The following MAP3K10 variants were observed in gnomAD, a reference collection of about 807,000 sequenced individuals.
MAP3K10 encodes mitogen-activated protein kinase kinase kinase 10.
In MAP3K10, 22 loss-of-function variants were observed where a neutral mutation model predicts 75.0. That is an observed-to-expected ratio of 0.29 (90% CI 0.21 to 0.42). MAP3K10 has a LOEUF of 0.42. MAP3K10 is among the 10% of genes least tolerant of loss of function. MAP3K10 has a pLI of 1.00. For synonymous variants in MAP3K10, 599 were observed against 612.9 expected, an observed-to-expected ratio of 0.98 and a Z score of 0.34; for missense variants, 1,165 against 1,379.8, an observed-to-expected ratio of 0.84 and a Z score of 2.47.
intron 6 of MAP3K10, among the ~76,000 whole-genome samples, chr19:40,211,849 A>T (rs181213860): frequency 6.6e-6 from 1 of 152,100 alleles, no homozygotes; most frequent in African/African-American, 2.4e-5. Flanking sequence ...TCAGCCTCCC[A>T]AGTAGCTGGG....
rs1178213258 is a variant in MAP3K10 at position 40,198,323 on chromosome 19, G to A, written c.683-52G>A. On this transcript the variant is annotated intron_variant, in intron 1 of 9. Transcript: ENST00000253055. The surrounding 1 kb of genome is among the most constrained non-coding windows in gnomAD (Gnocchi z 4.3). ...CTGAGGCAGCGGGCCAGAACACTTG[G>A]GTCTGCGGCGTGGCAGGTCTGGGGT... The A allele has an allele frequency of 1.3e-6, 2 of 1,546,852 alleles. No homozygotes were observed. Among genetic ancestry groups the A allele is most frequent in the African/African-American group, 2.7e-5 (2 of 73,738 alleles).
At position 40,215,180 on chromosome 19, in the gene MAP3K10, C is replaced by T; in HGVS notation, c.2753C>T (p.Thr918Ile). The stretch of plus-strand genomic sequence containing the variant: ...ATCTCGCCTCCCAGCAGGCCAGACA[C>T]TCCGGAGAGCCCTGGGCCCCCCAGC... ...LTISPPSRPD[T>I]PESPGPPSVQ... Residue 918 changes from threonine (T) to isoleucine (I), a missense_variant, in exon 10 of 10, where the codon ACT (threonine) becomes ATT (isoleucine). By Grantham distance (89) the Thr-to-Ile change is moderately conservative. Coordinates refer to ENST00000253055, the MANE Select transcript of MAP3K10 (RefSeq NM_002446.4). 6.3e-7 allele frequency: 1 copy of T among 1,597,890 alleles called. No homozygotes were observed. Among genetic ancestry groups the T allele is most frequent in the Non-Finnish European group, 8.5e-7 (1 of 1,173,052 alleles).
At chr19:40,201,790 C>A (rs971077123) in intron 2 of MAP3K10, among the ~76,000 whole-genome samples, 3 of 148,222 alleles carry the variant, frequency 2.0e-5, no homozygotes, top group African/African-American at 7.5e-5. Context: ...GCTCCACACG[C>A]CAGCTTTTTT....
chr19:40,206,338 G>A (rs1416293178), intron 5 of MAP3K10, 181 bp downstream of exon 5: 3 of 602,190 alleles, frequency 5.0e-6, no homozygotes, highest in Non-Finnish European at 5.2e-6. Context: ...GGAGGCCAAG[G>A]TGGGAGGATC....
intron 5 of MAP3K10, 68 bp downstream of exon 5, chr19:40,206,225 C>T: frequency 6.6e-7 from 1 of 1,506,380 alleles, no homozygotes; most frequent in Non-Finnish European, 8.9e-7. Context: ...TAGGATTTAT[C>T]TCTTCCTTTT....
chr19:40,206,720 C>G (rs1973129745), intron 5 of MAP3K10, among the ~76,000 whole-genome samples: 1 of 152,230 alleles, frequency 6.6e-6, no homozygotes, highest in South Asian at 2.1e-4. Context: ...CTCACACCAT[C>G]CCCTGAGAGG....
In MAP3K10 at chr19:40,215,510, T is replaced by C; in HGVS notation, c.*218T>C. ...CTGGGGGGAGGGTGGGCAGGGATACTCAGGGACAGGGCATCATGGGGGATT... is the reference window on the plus strand; with the variant it reads ...CTGGGGGGAGGGTGGGCAGGGATACCCAGGGACAGGGCATCATGGGGGATT... On this transcript the variant is annotated 3_prime_UTR_variant, in exon 10 of 10. Coordinates refer to ENST00000253055, the MANE Select transcript of MAP3K10 (RefSeq NM_002446.4). 1 of 552,462 alleles carries C rather than the reference T, an allele frequency of 1.8e-6. No homozygotes were observed. The highest frequency in any genetic ancestry group is 3.2e-6 in the Non-Finnish European group (1 of 310,174). The allele number at this position is 552,462 out of a possible 1,614,324, so 34.2% of individuals were successfully genotyped here.
intron 5 of MAP3K10, 88 bp downstream of exon 5, chr19:40,206,245 C>G (rs1973120004): frequency 1.4e-6 from 2 of 1,463,690 alleles, no homozygotes; most frequent in Admixed American, 4.6e-5. Flanking sequence ...TCTTTTTCAA[C>G]TTGTTTTTAT....
In MAP3K10 at chr19:40,213,743, C is replaced by T. The variant is rs1006317486; in HGVS notation, c.2064C>T (p.Gly688=). 1.8e-6 allele frequency: 2 copies of T among 1,085,156 alleles called. No homozygotes were observed. The highest frequency in any genetic ancestry group is 2.2e-6 in the Non-Finnish European group (2 of 892,776). 67.2% of individuals were successfully genotyped at this position (1,085,156 alleles called of 1,614,324 possible). Residue 688 remains glycine (G), a synonymous_variant, in exon 9 of 10, where the codon GGC becomes GGT. Coordinates refer to ENST00000253055, the MANE Select transcript of MAP3K10 (RefSeq NM_002446.4). This position sits in a 1 kb window ranked among gnomAD's most constrained non-coding sequence, Gnocchi z 5.7. The part of the protein sequence containing the change: ...CATLLGAVGL[G]ADVAEARAAD... ...CGCTGCTGGGGGCTGTGGGCCTGGG[C>T]GCCGACGTGGCCGAGGCGCGCGCGG...
In MAP3K10 at chr19:40,205,335, C is replaced by A. The variant is rs778201294; in HGVS notation, c.1188+39C>A. 93 of 1,606,138 alleles carry A rather than the reference C, an allele frequency of 5.8e-5. No homozygotes were observed. Among genetic ancestry groups the A allele is most frequent in the Non-Finnish European group, 7.8e-5 (92 of 1,174,472 alleles). ...GCAAGGTGGGAAAGATGGAGCAAGA[C>A]CCCTGAGTTCTGATGCCTTGGGCTG... is the stretch of plus-strand genomic sequence containing the variant. On this transcript the variant is annotated intron_variant, in intron 4 of 9. Transcript: ENST00000253055. The surrounding 1 kb of genome is among the most constrained non-coding windows in gnomAD (Gnocchi z 4.3).
At chr19:40,195,470 C>CTTTTT (rs1972887982) in intron 1 of MAP3K10, among the ~76,000 whole-genome samples, 2 of 50,198 alleles carry the variant, frequency 4.0e-5, no homozygotes, top group Non-Finnish European at 9.8e-5. Flanking sequence ...GCCCGCCCGG[C>CTTTTT]CTTTTTTTTT....
chr19:40,192,296 C>A lies in MAP3K10; in HGVS notation c.265C>A (p.Leu89Met). The A allele has an allele frequency of 6.3e-7, 1 of 1,595,980 alleles. No individual in the cohort carries two copies. Reference protein sequence around the residue: ...GAPAAPAGLQLPQEIPFHELQ... With the variant: ...GAPAAPAGLQMPQEIPFHELQ... Reference sequence around the variant, plus strand: ...CCCCGCTGCACCCGCGGGCCTCCAGCTGCCCCAGGAGATCCCCTTCCACGA... The same window carrying A: ...CCCCGCTGCACCCGCGGGCCTCCAGATGCCCCAGGAGATCCCCTTCCACGA... Residue 89 changes from leucine (L) to methionine (M), a missense_variant, in exon 1 of 10, where the codon CTG becomes ATG. Transcript: ENST00000253055. This position sits in a 1 kb window ranked among gnomAD's most constrained non-coding sequence, Gnocchi z 7.1.
chr19:40,192,019 C>A lies in MAP3K10; in HGVS notation c.-13C>A. 7.1e-7 allele frequency: 1 copy of A among 1,408,264 alleles called. No homozygotes were observed. Among genetic ancestry groups the A allele is most frequent in the Non-Finnish European group, 9.2e-7 (1 of 1,084,652 alleles). 87.2% of individuals were successfully genotyped at this position (1,408,264 alleles called of 1,614,324 possible). On this transcript the variant is annotated 5_prime_UTR_variant, in exon 1 of 10. Coordinates refer to ENST00000253055, the MANE Select transcript of MAP3K10 (RefSeq NM_002446.4). The surrounding 1 kb of genome is among the most constrained non-coding windows in gnomAD (Gnocchi z 7.1). ...GTGTGAAGCGGCCTCCCGCAGCCCCCGGCCCCTCCCCCATGGAGGAGGAGG... is the reference window on the plus strand; with the variant it reads ...GTGTGAAGCGGCCTCCCGCAGCCCCAGGCCCCTCCCCCATGGAGGAGGAGG...
chr19:40,198,534 C>T lies in MAP3K10; in HGVS notation c.842C>T (p.Ser281Phe). 1 of 1,612,820 alleles carries T rather than the reference C, an allele frequency of 6.2e-7. No homozygotes were observed. Among genetic ancestry groups the T allele is most frequent in the Non-Finnish European group, 8.5e-7 (1 of 1,179,194 alleles). Residue 281 changes from serine to phenylalanine, a missense_variant, in exon 2 of 10, where the codon TCC becomes TTC. By Grantham distance (155) the Ser-to-Phe change is radical. Coordinates refer to ENST00000253055, the MANE Select transcript of MAP3K10 (RefSeq NM_002446.4). This position sits in a 1 kb window ranked among gnomAD's most constrained non-coding sequence, Gnocchi z 4.3. The part of the protein sequence containing the change: ...APEVIRLSLF[S>F]KSSDVWSFGV... ...GAGGTTATCCGTCTCTCCCTCTTCT[C>T]CAAAAGCAGTGATGTCTGGAGGTGC...
Position 40,213,998 on chromosome 19 carries a change from G to GCCCA in MAP3K10, c.2322_2323insACCC (p.Ser775ThrfsTer78). 1.3e-6 allele frequency: 2 copies of GCCCA among 1,521,822 alleles called. No individual in the cohort carries two copies. The highest frequency in any genetic ancestry group is 2.0e-5 in the Admixed American group (1 of 48,824). The allele number at this position is 1,521,822 out of a possible 1,614,324, so 94.3% of individuals were successfully genotyped here. The stretch of plus-strand genomic sequence containing the variant: ...ACAGTGACGAGGCCGCACCGGCCGC[G>GCCCA]CCCTCCCCACCACCCTCCCCGCCCG... On this transcript the variant is annotated frameshift_variant, in exon 9 of 10. Transcript: ENST00000253055. LOFTEE classifies it high-confidence loss of function. This position sits in a 1 kb window ranked among gnomAD's most constrained non-coding sequence, Gnocchi z 5.7.
Position 40,205,627 on chromosome 19 carries a change from C to T in MAP3K10, c.1189-284C>T, listed in dbSNP as rs1973105097. ...AATTGTTGAAATTGGATGATGGGTACAGGGGGGTGCACTGTTCTCTGCTTT... is the reference window on the plus strand; with the variant it reads ...AATTGTTGAAATTGGATGATGGGTATAGGGGGGTGCACTGTTCTCTGCTTT... On this transcript the variant is annotated intron_variant, in intron 4 of 9. Transcript: ENST00000253055. The surrounding 1 kb of genome is among the most constrained non-coding windows in gnomAD (Gnocchi z 4.3). 5.5e-6 allele frequency: 3 copies of T among 543,652 alleles called. No homozygotes were observed. The highest frequency in any genetic ancestry group is 9.7e-6 in the Non-Finnish European group (3 of 308,144). The allele number at this position is 543,652 out of a possible 1,614,324, so 33.7% of individuals were successfully genotyped here.
intron 5 of MAP3K10, among the ~76,000 whole-genome samples, chr19:40,208,672 T>TTATATA (rs61540617): frequency 1.8e-4 from 27 of 146,090 alleles, no homozygotes; most frequent in African/African-American, 5.3e-4. Context: ...AACTCATCCT[T>TTATATA]TATATATATA....
In MAP3K10 at chr19:40,205,877, G is replaced by A. The variant is rs1273434456; in HGVS notation, c.1189-34G>A. ...CCTCCCCAGGAAGCAGAGCAGCTAAGCCCCTCCCCCCAGCCACCGCCTCTC... is the reference window on the plus strand; with the variant it reads ...CCTCCCCAGGAAGCAGAGCAGCTAAACCCCTCCCCCCAGCCACCGCCTCTC... On this transcript the variant is annotated intron_variant, in intron 4 of 9. Coordinates refer to ENST00000253055, the MANE Select transcript of MAP3K10 (RefSeq NM_002446.4). This position sits in a 1 kb window ranked among gnomAD's most constrained non-coding sequence, Gnocchi z 4.3. 1.3e-6 allele frequency: 2 copies of A among 1,491,970 alleles called. No individual in the cohort carries two copies. Among genetic ancestry groups the A allele is most frequent in the African/African-American group, 1.4e-5 (1 of 71,848 alleles). The allele number at this position is 1,491,970 out of a possible 1,614,324, so 92.4% of individuals were successfully genotyped here.
At chr19:40,208,952 C>T in intron 5 of MAP3K10, 151 bp from the exon 6 acceptor site, 1 of 654,496 alleles carries the variant, frequency 1.5e-6, no homozygotes, top group South Asian at 1.9e-5. Context: ...TGCTGCTGTT[C>T]TGGGGCCCAC....
Sources: gnomAD v4.1 joint callset for allele counts (sites outside exome capture counted in the v4.1 genomes callset) on GRCh38, gnomAD v4.1.1 for gene constraint, Gnocchi (gnomAD v3.1) non-coding constraint, MANE v1.5 for transcripts, NCBI Gene and HGNC (gene_info 2026-07-23, HGNC 2026-07-21) for gene names.